The following PKHD1 variants were observed in gnomAD, a reference collection of about 807,000 sequenced individuals.
PKHD1 encodes fibrocystin.
A neutral mutation model predicts 412.0 loss-of-function variants in PKHD1; 291 were observed. The observed-to-expected ratio is 0.71, with a 90% CI of 0.64 to 0.78. The LOEUF (loss-of-function observed/expected upper bound fraction) is 0.78, where lower values mean the gene tolerates loss of function less well. Among genes scored for constraint, PKHD1 ranks in the 30% least tolerant of loss-of-function variants. The pLI is 0.00. For missense variants in PKHD1, 4,825 were observed against 4,950.7 expected, an observed-to-expected ratio of 0.97 and a Z score of 0.76; for synonymous variants, 1,777 against 1,821.5, an observed-to-expected ratio of 0.98 and a Z score of 0.62.
intron 37 of PKHD1, among the ~76,000 whole-genome samples, chr6:51,930,886 G>T (rs888127299): frequency 9.9e-5 from 15 of 152,196 alleles, no homozygotes; most frequent in African/African-American, 3.4e-4. Context: ...GTGGTGGGAA[G>T]AGAAGAGAAG....
chr6:52,073,217 G>A (rs754032410), intron 7 of PKHD1, among the ~76,000 whole-genome samples: 3 of 152,196 alleles, frequency 2.0e-5, no homozygotes, highest in Non-Finnish European at 4.4e-5. Flanking sequence ...TGCAATTACA[G>A]TTCATTTCAC....
In PKHD1 at chr6:51,744,554, G is replaced by A; in HGVS notation, c.9999-12C>T. 1.2e-6 allele frequency: 2 copies of A among 1,606,798 alleles called. No homozygotes were observed. The highest frequency in any genetic ancestry group is 1.7e-6 in the Non-Finnish European group (2 of 1,173,532). ...TTCCTAAATCTTTCCTGTGAAGACA[G>A]TCAAAAAGCAACTCTTTCATTTCAT... On this transcript the variant is annotated splice_polypyrimidine_tract_variant and intron_variant, in intron 59 of 66. Transcript: ENST00000371117.
At chr6:52,011,975 A>G (rs1037691920) in intron 34 of PKHD1, among the ~76,000 whole-genome samples, 2 of 152,196 alleles carry the variant, frequency 1.3e-5, no homozygotes, top group African/African-American at 4.8e-5. Context: ...ATACTTAGAT[A>G]GTGGTCAATT....
At chr6:51,718,828 G>A (rs564689743) in intron 60 of PKHD1, among the ~76,000 whole-genome samples, 1 of 152,126 alleles carries the variant, frequency 6.6e-6, no homozygotes, top group Non-Finnish European at 1.5e-5. Context: ...CAAGTATACT[G>A]CATCAAGACA....
chr6:51,849,353 A>G (rs1256552161), intron 49 of PKHD1, among the ~76,000 whole-genome samples: 1 of 152,230 alleles, frequency 6.6e-6, no homozygotes, highest in African/African-American at 2.4e-5. Flanking sequence ...GGCAATAAAC[A>G]TACATGTGCA....
intron 52 of PKHD1, among the ~76,000 whole-genome samples, chr6:51,803,692 C>T (rs4715241): frequency 0.6 from 90,927 of 151,206 alleles, 28,415 homozygotes; most frequent in East Asian, 0.83. Context: ...AAACAAGGCT[C>T]CTACTTCACA....
chr6:52,067,897 G>C (rs13204286), intron 11 of PKHD1, among the ~76,000 whole-genome samples: 1 of 152,148 alleles, frequency 6.6e-6, no homozygotes, highest in African/African-American at 2.4e-5. Flanking sequence ...GCTTGATGTA[G>C]AGAAAGCCAG....
At chr6:52,013,846 G>A (rs1228178417) in intron 34 of PKHD1, among the ~76,000 whole-genome samples, 2 of 152,154 alleles carry the variant, frequency 1.3e-5, no homozygotes. Context: ...GATAGGTAGG[G>A]AAAACAATTT....
intron 24 of PKHD1, 119 bp downstream of exon 24, chr6:52,045,885 A>T: frequency 1.3e-6 from 1 of 766,496 alleles, no homozygotes; most frequent in Admixed American, 2.1e-5. Context: ...CCTTTACTCA[A>T]ATATTCCAAC....
chr6:51,831,068 T>A (rs1286445275), intron 51 of PKHD1, 79 bp from the exon 52 acceptor site: 31 of 1,096,300 alleles, frequency 2.8e-5, no homozygotes, highest in Non-Finnish European at 4.1e-6. Flanking sequence ...AGGATGCTAG[T>A]GGTATTTTCA....
At chr6:51,816,539 C>T (rs1480820705) in intron 52 of PKHD1, among the ~76,000 whole-genome samples, 1 of 152,212 alleles carries the variant, frequency 6.6e-6, no homozygotes, top group Non-Finnish European at 1.5e-5. Flanking sequence ...GAAGCTGCCT[C>T]CTTACATATT....
intron 6 of PKHD1, among the ~76,000 whole-genome samples, chr6:52,074,881 C>T (rs1368909090): frequency 6.6e-6 from 1 of 152,170 alleles, no homozygotes; most frequent in African/African-American, 2.4e-5. Context: ...CAACCCAGCC[C>T]GCCACCAATC....
At chr6:51,689,449 C>T (rs989447037) in intron 60 of PKHD1, among the ~76,000 whole-genome samples, 2 of 152,174 alleles carry the variant, frequency 1.3e-5, no homozygotes, top group African/African-American at 4.8e-5. Context: ...CAAGGATGTC[C>T]TCTCTCACCA....
At chr6:51,741,292 T>C in intron 60 of PKHD1, 1 of 489,468 alleles carries the variant, frequency 2.0e-6, no homozygotes, top group Non-Finnish European at 4.1e-6. Context: ...CCATGTATTT[T>C]TGGCACTCAC....
At chr6:51,916,467 A>G (rs1389907176) in intron 37 of PKHD1, among the ~76,000 whole-genome samples, 1 of 152,166 alleles carries the variant, frequency 6.6e-6, no homozygotes, top group Non-Finnish European at 1.5e-5. Context: ...ATGGTAATAG[A>G]TATCAGCACA....
At chr6:52,043,222 G>A (rs1805217141) in intron 26 of PKHD1, 88 bp from the exon 27 acceptor site, 7 of 1,075,202 alleles carry the variant, frequency 6.5e-6, no homozygotes, top group East Asian at 5.2e-5. Flanking sequence ...ATCATCAAAT[G>A]TTCCTTCTCT....
chr6:51,693,393 C>CA (rs752313432), intron 60 of PKHD1, among the ~76,000 whole-genome samples: 27 of 152,176 alleles, frequency 1.8e-4, no homozygotes, highest in Non-Finnish European at 3.1e-4. Context: ...ATTATACAGG[C>CA]ACGTTTATAC....
intron 35 of PKHD1, among the ~76,000 whole-genome samples, chr6:51,990,367 C>T (rs1370421055): frequency 1.3e-5 from 2 of 152,186 alleles, no homozygotes; most frequent in East Asian, 3.9e-4. Flanking sequence ...CCTCTCCCAA[C>T]ACTGATAATA....
intron 18 of PKHD1, 79 bp downstream of exon 18, chr6:52,056,619 A>T (rs933173328): frequency 9.2e-7 from 1 of 1,081,372 alleles, no homozygotes; most frequent in Admixed American, 1.7e-5. Context: ...TTGGAGAGGA[A>T]ATGGGGATTG....
Sources: allele counts gnomAD v4.1 joint callset (sites outside exome capture counted in the v4.1 genomes callset), GRCh38; gene constraint gnomAD v4.1.1; transcripts MANE v1.5; gene names NCBI Gene and HGNC (gene_info 2026-07-23, HGNC 2026-07-21).